AMD1: variants seen among roughly 807,000 people sequenced by gnomAD.
AMD1 encodes S-adenosylmethionine decarboxylase proenzyme.
AMD1 carries 11 observed loss-of-function variants against 40.2 expected under a neutral mutation model. That is an observed-to-expected ratio of 0.27 (90% CI 0.17 to 0.45). The LOEUF (loss-of-function observed/expected upper bound fraction) is 0.45, where lower values mean the gene tolerates loss of function less well. Among genes scored for constraint, AMD1 ranks in the 20% least tolerant of loss-of-function variants. The pLI is 1.00. For missense variants in AMD1, 257 were observed against 410.2 expected (o/e 0.63, Z 3.23); for synonymous variants, 121 against 130.8 (o/e 0.93, Z 0.51).
the AMD1 span, among the ~76,000 whole-genome samples, chr6:110,869,505 C>CTTTTTTTTT: frequency 7.0e-6 from 1 of 143,884 alleles, no homozygotes. Context: ...TTTACAGTTT[C>CTTTTTTTTT]TTTTTTTTTT....
Position 110,874,928 on chromosome 6 carries a change from A to G in AMD1, c.-178A>G. The G allele has an allele frequency of 1.7e-6, 1 of 578,330 alleles. No individual in the cohort carries two copies. The highest frequency in any genetic ancestry group is 2.9e-5 in the East Asian group (1 of 34,662). 35.8% of individuals were successfully genotyped at this position (578,330 alleles called of 1,614,324 possible). On this transcript the variant is annotated 5_prime_UTR_variant, in exon 1 of 9. Coordinates refer to ENST00000368885, the MANE Select transcript of AMD1 (RefSeq NM_001634.6). ...AACTTTCGCTCACACAAAGCCGGGA[A>G]AATTTTATTAGTCCTTTTTTTAAAA...
At chr6:110,834,903 C>T in the AMD1 span, among the ~76,000 whole-genome samples, 4 of 148,018 alleles carry the variant, frequency 2.7e-5, no homozygotes, top group Admixed American at 2.0e-4. Flanking sequence ...GAGCCAAGAT[C>T]GCCCCACTGC....
chr6:110,854,151 A>G, the AMD1 span, among the ~76,000 whole-genome samples: 1 of 152,202 alleles, frequency 6.6e-6, no homozygotes, highest in Non-Finnish European at 1.5e-5. Context: ...ATTAGAATTT[A>G]TAAATAATAG....
rs1554238005 is a variant in AMD1, at chr6:110,892,726, C to CCG, written c.616-8_616-7insGC. On this transcript the variant is annotated splice_polypyrimidine_tract_variant and intron_variant, in intron 6 of 8. Coordinates refer to ENST00000368885, the MANE Select transcript of AMD1 (RefSeq NM_001634.6). ...ACCCTTGTTAAACTCGGTCTTTTTC[C>CCG]CCCCCCAGGAGAGTGGAATTCGTGA... is the stretch of plus-strand genomic sequence containing the variant. The CCG allele has an allele frequency of 5.6e-6, 9 of 1,606,378 alleles. No individual in the cohort carries two copies. The highest frequency in any genetic ancestry group is 6.0e-6 in the Non-Finnish European group (7 of 1,174,802).
chr6:110,862,996 G>T, the AMD1 span, among the ~76,000 whole-genome samples: 1 of 152,172 alleles, frequency 6.6e-6, no homozygotes, highest in South Asian at 2.1e-4. Flanking sequence ...CCAGGCTGGA[G>T]TGCAGTGGCG....
At chr6:110,893,166 CCAGCCACT>C in intron 8 of AMD1, 101 bp downstream of exon 8, 1 of 1,085,168 alleles carries the variant, frequency 9.2e-7, no homozygotes, top group South Asian at 1.7e-5. Flanking sequence ...AGCACATATA[CCAGCCACT>C]CAGATATCCA....
chr6:110,885,600 T>A (rs962675015), intron 1 of AMD1, among the ~76,000 whole-genome samples: 1 of 152,102 alleles, frequency 6.6e-6, no homozygotes, highest in Non-Finnish European at 1.5e-5. Flanking sequence ...AAGCCAGGGG[T>A]AATTTCAAGG....
At chr6:110,868,575 C>G in the AMD1 span, among the ~76,000 whole-genome samples, 1 of 152,292 alleles carries the variant, frequency 6.6e-6, no homozygotes, top group Non-Finnish European at 1.5e-5. Flanking sequence ...CCTTCTGTTA[C>G]TTGTCTTTCA....
At chr6:110,885,706 T>C (rs898642708) in intron 1 of AMD1, among the ~76,000 whole-genome samples, 1 of 152,214 alleles carries the variant, frequency 6.6e-6, no homozygotes, top group Non-Finnish European at 1.5e-5. Context: ...TTAGTAGCTC[T>C]TTTAAAAAAG....
At chr6:110,886,239 A>T (rs1438297474) in intron 1 of AMD1, among the ~76,000 whole-genome samples, 2 of 129,734 alleles carry the variant, frequency 1.5e-5, no homozygotes, top group Non-Finnish European at 3.4e-5. Flanking sequence ...AAAAAAAAAA[A>T]GATTTGCCAT....
At position 110,893,784 on chromosome 6, in the gene AMD1, T is replaced by C; in HGVS notation, c.*168T>C. ...TCATTTTGAATTGTATGCATTATTA[T>C]ATCAAGGAGTTAGATATCTTGCATG... On this transcript the variant is annotated 3_prime_UTR_variant, in exon 9 of 9. Coordinates refer to ENST00000368885, the MANE Select transcript of AMD1 (RefSeq NM_001634.6). 1.4e-6 allele frequency: 1 copy of C among 693,578 alleles called. No homozygotes were observed. Among genetic ancestry groups the C allele is most frequent in the South Asian group, 2.2e-5 (1 of 45,990 alleles). 43.0% of individuals were successfully genotyped at this position (693,578 alleles called of 1,614,324 possible).
chr6:110,875,801 C>A (rs1785073521), intron 1 of AMD1, among the ~76,000 whole-genome samples: 1 of 151,794 alleles, frequency 6.6e-6, no homozygotes, highest in South Asian at 2.1e-4. Context: ...ATGTGGCGTT[C>A]GGGCGGCGGG....
At chr6:110,858,440 C>G in the AMD1 span, 13 of 990,874 alleles carry the variant, frequency 1.3e-5, no homozygotes, top group African/African-American at 1.8e-4. Flanking sequence ...GAACAAGCTA[C>G]AGCCGGGCTC....
rs1006220567 is a variant in AMD1 at position 110,895,470 on chromosome 6, G to A, written c.*1854G>A. The A allele has an allele frequency of 6.6e-6, 1 of 152,346 alleles. No homozygotes were observed. The highest frequency in any genetic ancestry group is 2.4e-5 in the African/African-American group (1 of 41,354). The allele number at this position is 152,346 out of a possible 1,614,324, so 9.4% of individuals were successfully genotyped here. A position where few individuals can be genotyped will look rare whatever the true frequency, so the allele number is the denominator to read the frequency against. On this transcript the variant is annotated 3_prime_UTR_variant, in exon 9 of 9. Transcript: ENST00000368885. The stretch of plus-strand genomic sequence containing the variant: ...TTTTGTTTTTGTTTTGTTTTGTTTT[G>A]TTTTGTTTCCAATAGAATTAAGAAT...
intron 1 of AMD1, among the ~76,000 whole-genome samples, chr6:110,880,944 A>T (rs1207007840): frequency 6.6e-6 from 1 of 152,168 alleles, no homozygotes; most frequent in Non-Finnish European, 1.5e-5. Context: ...AATGCATTTA[A>T]TCAGGCGACA....
intron 3 of AMD1, chr6:110,890,024 A>G: frequency 2.4e-6 from 1 of 412,176 alleles, no homozygotes; most frequent in Non-Finnish European, 4.3e-6. Context: ...AGAGAGAGAG[A>G]GAGAGATGGG....
chr6:110,882,871 C>T (rs1785484180), intron 1 of AMD1, among the ~76,000 whole-genome samples: 2 of 152,172 alleles, frequency 1.3e-5, no homozygotes, highest in Non-Finnish European at 2.9e-5. Flanking sequence ...ATAATCCTAG[C>T]ACTTTGGGAA....
the AMD1 span, among the ~76,000 whole-genome samples, chr6:110,855,226 G>T: frequency 1.3e-5 from 2 of 151,730 alleles, no homozygotes; most frequent in African/African-American, 4.8e-5. Context: ...TGAGATCAAA[G>T]AAATAAATGA....
chr6:110,892,460 A>G lies in AMD1; in HGVS notation c.615+17A>G, dbSNP rs766570203. On this transcript the variant is annotated intron_variant, in intron 6 of 8. Coordinates refer to ENST00000368885, the MANE Select transcript of AMD1 (RefSeq NM_001634.6). ...GTCACTCGTGTAAGCATTTTTAGTAATAATTGTTGCTGGACTCTTCTGCGT... is the reference window on the plus strand; with the variant it reads ...GTCACTCGTGTAAGCATTTTTAGTAGTAATTGTTGCTGGACTCTTCTGCGT... 3 of 1,611,552 alleles carry G rather than the reference A, an allele frequency of 1.9e-6. No homozygotes were observed. The highest frequency in any genetic ancestry group is 2.5e-6 in the Non-Finnish European group (3 of 1,179,610).
Sources: gnomAD v4.1 joint callset for allele counts (sites outside exome capture counted in the v4.1 genomes callset) on GRCh38, gnomAD v4.1.1 for gene constraint, MANE v1.5 for transcripts, NCBI Gene and HGNC (gene_info 2026-07-23, HGNC 2026-07-21) for gene names.